Variants in CHCHD6 observed in about 807,000 individuals in gnomAD.
The protein encoded by CHCHD6 is MICOS complex subunit MIC25.
A neutral mutation model predicts 32.3 loss-of-function variants in CHCHD6; 28 were observed. The observed-to-expected ratio is 0.87, with a 90% CI of 0.64 to 1.19. The LOEUF (loss-of-function observed/expected upper bound fraction) is 1.19, where lower values mean the gene tolerates loss of function less well. CHCHD6 is among the 50% of genes most tolerant of loss of function. CHCHD6 has a pLI of 0.00. For synonymous variants in CHCHD6, 122 were observed against 117.5 expected (o/e 1.04, Z -0.25); for missense variants, 333 against 307.0 (o/e 1.08, Z -0.63).
intron 3 of CHCHD6, 98 bp from the exon 4 acceptor site, chr3:126,732,980 T>A: frequency 7.3e-7 from 1 of 1,374,872 alleles, no homozygotes; most frequent in African/African-American, 1.4e-5. Context: ...GTTTCAGCAT[T>A]TCCCTGGTGG....
At chr3:126,842,021 G>A (rs1374880100) in intron 4 of CHCHD6, among the ~76,000 whole-genome samples, 39 of 152,216 alleles carry the variant, frequency 2.6e-4, no homozygotes, top group Non-Finnish European at 2.9e-5. Flanking sequence ...GGCCTAGGTG[G>A]GAGGATGGCT....
intron 6 of CHCHD6, among the ~76,000 whole-genome samples, chr3:126,948,235 T>G (rs900432927): frequency 5.3e-5 from 8 of 152,210 alleles, no homozygotes; most frequent in Admixed American, 5.2e-4. Context: ...GCCCAGAAAC[T>G]TATCCTCTCA....
intron 5 of CHCHD6, among the ~76,000 whole-genome samples, chr3:126,906,561 C>T (rs2078009732): frequency 6.6e-6 from 1 of 152,194 alleles, no homozygotes; most frequent in South Asian, 2.1e-4. Flanking sequence ...CTCTCCCAGT[C>T]TTGACTTACT....
intron 4 of CHCHD6, among the ~76,000 whole-genome samples, chr3:126,755,946 C>T (rs1936941177): frequency 6.6e-6 from 1 of 151,770 alleles, no homozygotes; most frequent in Non-Finnish European, 1.5e-5. Flanking sequence ...TCACAGTGCC[C>T]CTTTAGGTAG....
At chr3:126,717,163 TG>T in intron 1 of CHCHD6, among the ~76,000 whole-genome samples, 1 of 152,244 alleles carries the variant, frequency 6.6e-6, no homozygotes, top group Middle Eastern at 3.4e-3. Flanking sequence ...CTCTCTACCT[TG>T]GTTTTCTCAA....
chr3:126,715,028 C>T (rs767462946), intron 1 of CHCHD6, among the ~76,000 whole-genome samples: 7 of 152,140 alleles, frequency 4.6e-5, no homozygotes, highest in African/African-American at 9.7e-5. Flanking sequence ...TATTGACATT[C>T]GACTAGTTTT....
Position 126,886,818 on chromosome 3 carries a change from C to A in CHCHD6, c.496-27862C>A, listed in dbSNP as rs547766850. Among the ~76,000 whole-genome samples the A allele has an allele frequency of 8.9e-4, 135 of 152,240 alleles. 1 individual carries two copies. The highest frequency in any genetic ancestry group is 3.3e-3 in the African/African-American group (135 of 41,538). On this transcript the variant is annotated intron_variant, in intron 5 of 7. Transcript: ENST00000290913. ...GCCTAGGAGCTTTCCAGCCCTTTTC[C>A]CAGGCCAGTGCCCCTGTCAGATGGG...
chr3:126,863,852 T>C (rs1390590421), intron 5 of CHCHD6, among the ~76,000 whole-genome samples: 49 of 87,686 alleles, frequency 5.6e-4, no homozygotes, highest in African/African-American at 6.6e-4. Context: ...TCCTCCACCA[T>C]CAACACCTCC....
At chr3:126,911,360 T>G (rs752755063) in intron 5 of CHCHD6, among the ~76,000 whole-genome samples, 10 of 152,200 alleles carry the variant, frequency 6.6e-5, no homozygotes, top group Non-Finnish European at 1.2e-4. Flanking sequence ...TGCCCTGCCC[T>G]TCCCAGGAGA....
rs182004856 is a variant in CHCHD6, at chr3:126,826,816, A to G, written c.412-25831A>G. Among the ~76,000 whole-genome samples the G allele has an allele frequency of 2.6e-3, 397 of 152,318 alleles. 3 individuals are homozygous for G. The highest frequency in any genetic ancestry group is 9.0e-3 in the African/African-American group (374 of 41,588). The stretch of plus-strand genomic sequence containing the variant: ...CTTTTTGGCATGACCCCGAGCTTCA[A>G]CATCCACAGTGTGGCCAATTTTTGC... On this transcript the variant is annotated intron_variant, in intron 4 of 7. Transcript: ENST00000290913.
intron 1 of CHCHD6, 85 bp from the exon 2 acceptor site, chr3:126,726,992 AT>A (rs1935562451): frequency 2.2e-6 from 2 of 907,514 alleles, no homozygotes; most frequent in Admixed American, 3.9e-5. Flanking sequence ...CATTCAGTAA[AT>A]CTGGGGCCTG....
rs573556735 is a variant in CHCHD6 at position 126,890,757 on chromosome 3, G to A, written c.496-23923G>A. ...TATAACTTAATAAGTAACACCTTCA[G>A]TGCCTTGATTTTTCCAGGTGTATTT... On this transcript the variant is annotated intron_variant, in intron 5 of 7. Coordinates refer to ENST00000290913, the MANE Select transcript of CHCHD6 (RefSeq NM_032343.3). Among the ~76,000 whole-genome samples, 14 of 152,308 alleles carry A rather than the reference G, an allele frequency of 9.2e-5. No homozygotes were observed. The South Asian group carries it at 2.3e-3, about 25-fold the overall frequency.
intron 4 of CHCHD6, among the ~76,000 whole-genome samples, chr3:126,840,131 A>G (rs1008997051): frequency 6.6e-6 from 1 of 152,180 alleles, no homozygotes; most frequent in East Asian, 1.9e-4. Context: ...TGTAGCATGT[A>G]TTAGTACTTC....
At chr3:126,879,751 A>G (rs2077584503) in intron 5 of CHCHD6, among the ~76,000 whole-genome samples, 1 of 152,214 alleles carries the variant, frequency 6.6e-6, no homozygotes, top group Non-Finnish European at 1.5e-5. Context: ...TGAGTGTGTG[A>G]CAGTTGTTTT....
chr3:126,788,291 TTG>T (rs1938332601), intron 4 of CHCHD6, among the ~76,000 whole-genome samples: 5 of 152,298 alleles, frequency 3.3e-5, no homozygotes, highest in Admixed American at 1.3e-4. Flanking sequence ...ATTCTCTTTT[TTG>T]GTTGTGTCTC....
intron 5 of CHCHD6, among the ~76,000 whole-genome samples, chr3:126,855,823 C>T (rs918265925): frequency 6.6e-6 from 1 of 152,136 alleles, no homozygotes; most frequent in Admixed American, 6.5e-5. Flanking sequence ...GCCTCAGAGC[C>T]GGCAAATGAG....
chr3:126,708,776 G>A (rs1192771893), intron 1 of CHCHD6, among the ~76,000 whole-genome samples: 1 of 151,596 alleles, frequency 6.6e-6, no homozygotes, highest in Non-Finnish European at 1.5e-5. Flanking sequence ...TCCAATTATA[G>A]AACATTTACA....
chr3:126,794,988 T>C (rs1242158882), intron 4 of CHCHD6, among the ~76,000 whole-genome samples: 1 of 152,230 alleles, frequency 6.6e-6, no homozygotes, highest in East Asian at 1.9e-4. Flanking sequence ...TTGCATATTA[T>C]TGATACCATT....
intron 6 of CHCHD6, among the ~76,000 whole-genome samples, chr3:126,944,689 G>T (rs2078609699): frequency 6.6e-6 from 1 of 152,256 alleles, no homozygotes; most frequent in Non-Finnish European, 1.5e-5. Context: ...CAGACGCACA[G>T]CACCTGTGTG....
Sources: allele counts gnomAD v4.1 joint callset (sites outside exome capture counted in the v4.1 genomes callset), GRCh38; gene constraint gnomAD v4.1.1; transcripts MANE v1.5; gene names NCBI Gene and HGNC (gene_info 2026-07-23, HGNC 2026-07-21).